Variants in FXR2 observed in about 807,000 individuals in gnomAD.
FXR2 encodes the protein FMR1 autosomal homolog 2.
A neutral mutation model predicts 87.3 loss-of-function variants in FXR2; 9 were observed. The ratio of observed to expected loss-of-function variants is 0.10; its 90% confidence interval spans 0.06 to 0.18. The LOEUF is 0.18. Ranked by LOEUF, FXR2 falls within the 10% of genes least tolerant of loss-of-function variation. FXR2 has a pLI of 1.00. For missense variants in FXR2, 661 were observed against 893.6 expected, an observed-to-expected ratio of 0.74 and a Z score of 3.32; for synonymous variants, 331 against 328.3, an observed-to-expected ratio of 1.01 and a Z score of -0.09.
chr17:7,614,008 A>G, intron 1 of FXR2: 1 of 457,076 alleles, frequency 2.2e-6, no homozygotes. Flanking sequence ...GAGGAAGATG[A>G]AAGGATCTTT....
intron 7 of FXR2, among the ~76,000 whole-genome samples, chr17:7,597,487 T>C (rs961452802): frequency 6.6e-6 from 1 of 151,954 alleles, no homozygotes; most frequent in South Asian, 2.1e-4. Flanking sequence ...GGTTTTCTTT[T>C]TTTTTTTTCT....
rs1431234508 is a variant in FXR2 at position 7,593,488 on chromosome 17, G to A, written c.1245C>T (p.Ser415=). The change falls in exon 12 of 17, where the codon TCC becomes TCT. Residue 415 remains serine, a synonymous_variant. Transcript: ENST00000250113. The surrounding 1 kb of genome is among the most constrained non-coding windows in gnomAD (Gnocchi z 6.1). Reference sequence around the variant, plus strand: ...TTCGAGTCGCATGGAGGGAGGAGGAGGAGCTCTCATCAGTGCTATATCCAG... The same window carrying A: ...TTCGAGTCGCATGGAGGGAGGAGGAAGAGCTCTCATCAGTGCTATATCCAG... ...DKAGYSTDES[S]SSSLHATRTY... 6.3e-7 allele frequency: 1 copy of A among 1,588,438 alleles called. No individual in the cohort carries two copies. The highest frequency in any genetic ancestry group is 1.8e-5 in the Admixed American group (1 of 56,236).
chr17:7,605,831 C>T (rs776649055), intron 2 of FXR2, 93 bp from the exon 3 acceptor site: 45 of 775,700 alleles, frequency 5.8e-5, no homozygotes, highest in Non-Finnish European at 8.9e-5. Flanking sequence ...TGGGCGAGTT[C>T]CACCTATCTG....
intron 1 of FXR2, 86 bp downstream of exon 1, chr17:7,614,366 A>C: frequency 9.9e-7 from 1 of 1,011,478 alleles, no homozygotes; most frequent in Non-Finnish European, 1.4e-6. Flanking sequence ...ACTCAGCTCC[A>C]GAAGCTCGAT....
Position 7,595,772 on chromosome 17 carries a change from T to C in FXR2, c.831+52A>G, listed in dbSNP as rs2071702554. ...TTGAGGCTTATTTTCTACTTCGGCC[T>C]CTCTTCCCTCTATCCCCTAAGAGAC... On this transcript the variant is annotated intron_variant, in intron 8 of 16. Transcript: ENST00000250113. This position sits in a 1 kb window ranked among gnomAD's most constrained non-coding sequence, Gnocchi z 4.7. 1 of 1,481,488 alleles carries C rather than the reference T, an allele frequency of 6.7e-7. No homozygotes were observed. Among genetic ancestry groups the C allele is most frequent in the African/African-American group, 1.4e-5 (1 of 71,776 alleles). The allele number at this position is 1,481,488 out of a possible 1,614,324, so 91.8% of individuals were successfully genotyped here.
At chr17:7,599,694 T>C (rs991128504) in intron 7 of FXR2, among the ~76,000 whole-genome samples, 1 of 151,840 alleles carries the variant, frequency 6.6e-6, no homozygotes, top group African/African-American at 2.4e-5. Context: ...CTGGCCAACA[T>C]GGTGAAACCC....
intron 1 of FXR2, among the ~76,000 whole-genome samples, chr17:7,609,981 T>TATATATATACATGTATATGTATAC (rs1567753922): frequency 4.1e-5 from 2 of 48,568 alleles, no homozygotes; most frequent in East Asian, 4.3e-4. Context: ...TATGTATACA[T>TATATATATACATGTATATGTATAC]ATATATATAC....
intron 7 of FXR2, 82 bp downstream of exon 7, chr17:7,601,327 A>G: frequency 1.2e-6 from 1 of 823,780 alleles, no homozygotes. Context: ...TGTTCTGTAA[A>G]CACAAGATCA....
At chr17:7,600,146 G>A (rs1237516473) in intron 7 of FXR2, among the ~76,000 whole-genome samples, 4 of 151,954 alleles carry the variant, frequency 2.6e-5, no homozygotes, top group African/African-American at 7.2e-5. Flanking sequence ...TGATCTGCCC[G>A]CCTCAGCCTC....
intron 1 of FXR2, 107 bp downstream of exon 1, chr17:7,614,345 T>C: frequency 1.2e-6 from 1 of 833,350 alleles, no homozygotes; most frequent in Non-Finnish European, 1.9e-6. Context: ...TCCAAGATTC[T>C]AAGGGCCAGG....
In FXR2 at chr17:7,602,918, G is replaced by T. The variant is rs201804322; in HGVS notation, c.534C>A (p.Leu178=). Residue 178 remains leucine (L), a synonymous_variant, in exon 6 of 17, where the codon CTC becomes CTA. Coordinates refer to ENST00000250113, the MANE Select transcript of FXR2 (RefSeq NM_004860.4). ...GGCAGAATAAACTCACCAGAATGAA[G>T]AGCTCACTGTTTGTGATGTTGAGAA... is the stretch of plus-strand genomic sequence containing the variant. The part of the protein sequence containing the change: ...CIFLNITNSE[L]FILSTTEAPV... 4.8e-5 allele frequency: 71 copies of T among 1,482,536 alleles called. No individual in the cohort carries two copies. The Middle Eastern group carries it at 5.1e-4, about 11-fold the overall frequency. 91.8% of individuals were successfully genotyped at this position (1,482,536 alleles called of 1,614,324 possible). A position where few individuals can be genotyped will look rare whatever the true frequency, so the allele number is the denominator to read the frequency against.
At position 7,599,197 on chromosome 17, in the gene FXR2, G is replaced by T. The variant is rs145929210; in HGVS notation, c.660+2212C>A. 7.9e-3 allele frequency among the ~76,000 whole-genome samples: 1,198 copies of T among 151,694 alleles called. 25 individuals carry two copies. Among genetic ancestry groups the T allele is most frequent in the African/African-American group, 0.026 (1,084 of 41,352 alleles). On this transcript the variant is annotated intron_variant, in intron 7 of 16. Coordinates refer to ENST00000250113, the MANE Select transcript of FXR2 (RefSeq NM_004860.4). ...CACCTGTAATCCCACCCACCCAAAG[G>T]CTGAGGTGAGAGGATCACTTGAGCT...
At chr17:7,606,037 CT>C in intron 2 of FXR2, 59 bp downstream of exon 2, 1 of 1,133,256 alleles carries the variant, frequency 8.8e-7, no homozygotes, top group African/African-American at 1.5e-5. Flanking sequence ...CAGCTGCCCC[CT>C]CTTCTCCACT....
In FXR2 at chr17:7,592,013, C is replaced by A. The variant is rs2071666045; in HGVS notation, c.1927-88G>T. The A allele has an allele frequency of 8.3e-7, 1 of 1,202,730 alleles. No homozygotes were observed. The allele number at this position is 1,202,730 out of a possible 1,614,324, so 74.5% of individuals were successfully genotyped here. A position where few individuals can be genotyped will look rare whatever the true frequency, so the allele number is the denominator to read the frequency against. On this transcript the variant is annotated intron_variant, in intron 16 of 16. Transcript: ENST00000250113. This position sits in a 1 kb window ranked among gnomAD's most constrained non-coding sequence, Gnocchi z 4.8. ...AGACATTCCCTACCATCCAAGCCCTCCTGGCATTTGGTGATCCAGAGGTTG... is the reference window on the plus strand; with the variant it reads ...AGACATTCCCTACCATCCAAGCCCTACTGGCATTTGGTGATCCAGAGGTTG...
intron 1 of FXR2, among the ~76,000 whole-genome samples, chr17:7,609,991 CAT>C (rs1274109839): frequency 1.5e-5 from 2 of 135,570 alleles, no homozygotes; most frequent in Admixed American, 7.6e-5. Flanking sequence ...TATATATATA[CAT>C]GTATATGTAT....
intron 2 of FXR2, 82 bp downstream of exon 2, chr17:7,606,015 C>T (rs748665505): frequency 4.5e-6 from 4 of 894,512 alleles, no homozygotes; most frequent in African/African-American, 1.7e-5. Context: ...CTATTACATG[C>T]CTCATAGGAC....
In FXR2 at chr17:7,609,947, T is replaced by A. The variant is rs536055122; in HGVS notation, c.82-3798A>T. 1.2e-3 allele frequency among the ~76,000 whole-genome samples: 146 copies of A among 125,210 alleles called. 1 individual carries two copies. Among genetic ancestry groups the A allele is most frequent in the African/African-American group, 3.6e-3 (138 of 37,918 alleles). The allele number at this position is 125,210 out of a possible 152,430, so 82.1% of individuals were successfully genotyped here. On this transcript the variant is annotated intron_variant, in intron 1 of 16. Coordinates refer to ENST00000250113, the MANE Select transcript of FXR2 (RefSeq NM_004860.4). Reference sequence around the variant, plus strand: ...ATGTATATGTATATATATACATGTATATGTATACATATATATACATGTATA... The same window carrying A: ...ATGTATATGTATATATATACATGTAAATGTATACATATATATACATGTATA...
chr17:7,605,451 T>G (rs1245724575), intron 3 of FXR2, among the ~76,000 whole-genome samples, 194 bp downstream of exon 3: 5 of 152,192 alleles, frequency 3.3e-5, no homozygotes, highest in Admixed American at 3.3e-4. Flanking sequence ...GCAAATCGCC[T>G]GAAACTGGGG....
Position 7,594,091 on chromosome 17 carries a change from C to T in FXR2, c.1021-87G>A. 1 of 968,054 alleles carries T rather than the reference C, an allele frequency of 1.0e-6. No individual in the cohort carries two copies. The highest frequency in any genetic ancestry group is 1.7e-6 in the Non-Finnish European group (1 of 597,330). The allele number at this position is 968,054 out of a possible 1,614,324, so 60.0% of individuals were successfully genotyped here. On this transcript the variant is annotated intron_variant, in intron 10 of 16. Transcript: ENST00000250113. This position sits in a 1 kb window ranked among gnomAD's most constrained non-coding sequence, Gnocchi z 5.1. Reference sequence around the variant, plus strand: ...CGCCCAGTCTCCTAGGGGAGCCTGCCCAGTGGGATCATTCTGGGCTCTAAA... The same window carrying T: ...CGCCCAGTCTCCTAGGGGAGCCTGCTCAGTGGGATCATTCTGGGCTCTAAA...
Sources: gnomAD v4.1 joint callset for allele counts (sites outside exome capture counted in the v4.1 genomes callset) on GRCh38, gnomAD v4.1.1 for gene constraint, Gnocchi (gnomAD v3.1) non-coding constraint, MANE v1.5 for transcripts, NCBI Gene and HGNC (gene_info 2026-07-23, HGNC 2026-07-21) for gene names.